RANBP17: variants seen among roughly 807,000 people sequenced by gnomAD.
RANBP17 encodes RAN binding protein 17.
A neutral mutation model predicts 141.2 loss-of-function variants in RANBP17; 158 were observed. The ratio of observed to expected loss-of-function variants is 1.12; its 90% CI spans 0.98 to 1.28. The LOEUF is 1.28. RANBP17 is among the 50% of genes most tolerant of loss of function. The pLI, the probability that RANBP17 is intolerant of heterozygous loss-of-function variation, is 0.00. For missense variants in RANBP17, 1,438 were observed against 1,290.7 expected (o/e 1.11, Z -1.75); for synonymous variants, 430 against 450.0 (o/e 0.96, Z 0.56).
chr5:171,234,071 C>A (rs1186083498), intron 22 of RANBP17, among the ~76,000 whole-genome samples: 1 of 151,038 alleles, frequency 6.6e-6, no homozygotes, highest in Non-Finnish European at 1.5e-5. Context: ...AAAAAAAATA[C>A]ACACACACAT....
chr5:170,988,295 T>G (rs1356372683), intron 14 of RANBP17, among the ~76,000 whole-genome samples: 5 of 151,622 alleles, frequency 3.3e-5, no homozygotes, highest in Non-Finnish European at 7.4e-5. Context: ...TGATTTTTTT[T>G]TTTTAAGTAA....
intron 14 of RANBP17, among the ~76,000 whole-genome samples, chr5:171,113,992 C>T (rs1755436172): frequency 6.6e-6 from 1 of 151,940 alleles, no homozygotes; most frequent in African/African-American, 2.4e-5. Context: ...GAAAATACAG[C>T]TTTTTCACAA....
chr5:171,169,650 A>G (rs1447130181), intron 14 of RANBP17, among the ~76,000 whole-genome samples: 1 of 151,570 alleles, frequency 6.6e-6, no homozygotes, highest in African/African-American at 2.4e-5. Flanking sequence ...GAATTTCTAT[A>G]AGTTAACTTC....
intron 25 of RANBP17, among the ~76,000 whole-genome samples, chr5:171,274,945 CA>C (rs1373796099): frequency 6.6e-6 from 1 of 152,096 alleles, no homozygotes; most frequent in Admixed American, 6.5e-5. Context: ...AATATTGTTC[CA>C]AATGGTTAAC....
chr5:170,912,404 T>C (rs1476961588), intron 7 of RANBP17, among the ~76,000 whole-genome samples: 1 of 152,004 alleles, frequency 6.6e-6, no homozygotes, highest in Non-Finnish European at 1.5e-5. Flanking sequence ...GTATTATTTT[T>C]TGCAACTGCA....
intron 14 of RANBP17, among the ~76,000 whole-genome samples, chr5:171,100,676 T>G (rs1044183826): frequency 2.6e-5 from 4 of 152,220 alleles, no homozygotes; most frequent in Non-Finnish European, 4.4e-5. Flanking sequence ...TCTCTAGTTC[T>G]TTTAATTGTG....
At chr5:171,186,531 T>TC (rs1369944511) in intron 18 of RANBP17, among the ~76,000 whole-genome samples, 13 of 76,174 alleles carry the variant, frequency 1.7e-4, no homozygotes, top group African/African-American at 4.9e-4. Context: ...ATTTTCTTTT[T>TC]TTTTTTTTTT....
intron 14 of RANBP17, among the ~76,000 whole-genome samples, chr5:171,054,001 T>A (rs11738418): frequency 0.015 from 2,300 of 150,094 alleles, 25 homozygotes; most frequent in Non-Finnish European, 0.024. Context: ...CAATATGTCT[T>A]TCTTTGTCTC....
chr5:171,175,358 T>A (rs2127896940), intron 16 of RANBP17, among the ~76,000 whole-genome samples: 1 of 152,276 alleles, frequency 6.6e-6, no homozygotes, highest in South Asian at 2.1e-4. Flanking sequence ...TGGTTCTAGA[T>A]CCTTGAGGAA....
At position 170,953,686 on chromosome 5, in the gene RANBP17, G is replaced by A; in HGVS notation, c.1558G>A (p.Gly520Arg). The stretch of plus-strand genomic sequence containing the variant: ...TACAGATGAGCATGATGCTATGGAT[G>A]GAGAATTATCCTGTCGGTAAGTAAG... ...TSTDEHDAMD[G>R]ELSCRVFQLI... Residue 520 changes from glycine to arginine, a missense_variant, in exon 13 of 28, where the codon GGA (glycine) becomes AGA (arginine). By Grantham distance (125) the Gly-to-Arg change is moderately radical. Transcript: ENST00000523189. 3 of 1,600,978 alleles carry A rather than the reference G, an allele frequency of 1.9e-6. No individual in the cohort carries two copies. Among genetic ancestry groups the A allele is most frequent in the Non-Finnish European group, 2.6e-6 (3 of 1,168,960 alleles).
At chr5:171,202,366 T>G (rs1762345731) in intron 19 of RANBP17, among the ~76,000 whole-genome samples, 1 of 152,150 alleles carries the variant, frequency 6.6e-6, no homozygotes, top group African/African-American at 2.4e-5. Context: ...CGTTTTTGAT[T>G]TGGTCATGAC....
intron 5 of RANBP17, 129 bp downstream of exon 5, chr5:170,896,244 T>C: frequency 1.6e-6 from 1 of 631,504 alleles, no homozygotes; most frequent in South Asian, 2.2e-5. Context: ...ATCAAGTTTT[T>C]TGTGTGTGTA....
intron 22 of RANBP17, among the ~76,000 whole-genome samples, chr5:171,234,531 T>C (rs1228555456): frequency 6.6e-6 from 1 of 152,182 alleles, no homozygotes; most frequent in Non-Finnish European, 1.5e-5. Context: ...GATAGGACAA[T>C]ATTGCAGTAA....
intron 21 of RANBP17, among the ~76,000 whole-genome samples, chr5:171,221,412 A>G (rs1174113183): frequency 6.6e-6 from 1 of 152,216 alleles, no homozygotes; most frequent in Non-Finnish European, 1.5e-5. Flanking sequence ...GTATTTGTCT[A>G]AACTTAGACA....
intron 14 of RANBP17, among the ~76,000 whole-genome samples, chr5:171,088,383 G>A (rs976605219): frequency 6.6e-6 from 1 of 152,048 alleles, no homozygotes; most frequent in African/African-American, 2.4e-5. Context: ...TTTCTCTCTG[G>A]CTGCCCTTAA....
intron 26 of RANBP17, among the ~76,000 whole-genome samples, chr5:171,295,350 T>G (rs1276466144): frequency 6.6e-6 from 1 of 152,068 alleles, no homozygotes; most frequent in Admixed American, 6.5e-5. Context: ...CACGCCCCTC[T>G]AGTACCCCAC....
At chr5:171,087,138 C>A (rs1257329894) in intron 14 of RANBP17, among the ~76,000 whole-genome samples, 9 of 145,172 alleles carry the variant, frequency 6.2e-5, no homozygotes, top group Non-Finnish European at 3.0e-5. Flanking sequence ...GCTTTGAATG[C>A]GTCCCAGAGA....
At chr5:171,281,953 C>G (rs377757519) in intron 25 of RANBP17, among the ~76,000 whole-genome samples, 2 of 152,064 alleles carry the variant, frequency 1.3e-5, no homozygotes, top group Admixed American at 1.3e-4. Flanking sequence ...TTTTCCTTGG[C>G]CCCTTGCATT....
chr5:171,106,123 A>G (rs1442026481), intron 14 of RANBP17, among the ~76,000 whole-genome samples: 2 of 151,594 alleles, frequency 1.3e-5, no homozygotes, highest in Non-Finnish European at 2.9e-5. Flanking sequence ...TCCATTGTGA[A>G]ATAACCACTA....
Sources: allele counts gnomAD v4.1 joint callset (sites outside exome capture counted in the v4.1 genomes callset), GRCh38; gene constraint gnomAD v4.1.1; transcripts MANE v1.5; gene names NCBI Gene and HGNC (gene_info 2026-07-23, HGNC 2026-07-21).